The following ANK2 variants were observed in gnomAD, a reference collection of about 807,000 sequenced individuals.
ANK2 encodes the protein ankyrin 2, also known as ankyrin-2.
A neutral mutation model predicts 360.5 loss-of-function variants in ANK2; 83 were observed. That is an observed-to-expected ratio of 0.23 (90% CI 0.19 to 0.28). ANK2 has a LOEUF of 0.28. ANK2 is among the 10% of genes least tolerant of loss of function. ANK2 has a pLI of 1.00. For missense variants in ANK2, 4,201 were observed against 4,795.7 expected, an observed-to-expected ratio of 0.88 and a Z score of 3.66; for synonymous variants, 1,740 against 1,759.5, an observed-to-expected ratio of 0.99 and a Z score of 0.28.
chr4:112,853,092 C>T (rs1380644192), intron 1 of ANK2, among the ~76,000 whole-genome samples: 1 of 151,370 alleles, frequency 6.6e-6, no homozygotes, highest in Non-Finnish European at 1.5e-5. Context: ...TTTTTTGAGA[C>T]GAAGTCTCGC....
the ANK2 span, among the ~76,000 whole-genome samples, chr4:112,764,923 C>G: frequency 6.6e-6 from 1 of 152,014 alleles, no homozygotes; most frequent in African/African-American, 2.4e-5. Flanking sequence ...TCAGGCTGGT[C>G]TTGAACTCCT....
At chr4:113,175,670 C>T (rs1490810471) in intron 2 of ANK2, among the ~76,000 whole-genome samples, 1 of 152,206 alleles carries the variant, frequency 6.6e-6, no homozygotes, top group Non-Finnish European at 1.5e-5. Flanking sequence ...AATAAGATTA[C>T]AACACTTCCT....
At chr4:113,243,881 G>GC (rs1160325431) in intron 9 of ANK2, among the ~76,000 whole-genome samples, 8 of 152,148 alleles carry the variant, frequency 5.3e-5, no homozygotes, top group African/African-American at 1.9e-4. Context: ...TTTTATCTTG[G>GC]CCAATGTCTT....
intron 1 of ANK2, among the ~76,000 whole-genome samples, chr4:113,170,751 G>A (rs1029620912): frequency 6.6e-6 from 1 of 152,098 alleles, no homozygotes; most frequent in African/African-American, 2.4e-5. Context: ...GTTGTTCTGT[G>A]TTTCTAATAT....
At chr4:113,092,445 T>C (rs962441421) in intron 1 of ANK2, among the ~76,000 whole-genome samples, 4 of 152,110 alleles carry the variant, frequency 2.6e-5, no homozygotes, top group African/African-American at 7.3e-5. Context: ...AAGCAGACTC[T>C]CAGACCCCAG....
chr4:112,823,532 A>G (rs1226738566), intron 1 of ANK2, among the ~76,000 whole-genome samples: 3 of 151,394 alleles, frequency 2.0e-5, no homozygotes, highest in Non-Finnish European at 2.9e-5. Flanking sequence ...CCAAATAAAG[A>G]TATCATTTAT....
In ANK2 at chr4:113,024,817, T is replaced by C. The variant is rs143393395; in HGVS notation, c.21+120303T>C. Among the ~76,000 whole-genome samples the C allele has an allele frequency of 2.2e-3, 329 of 152,316 alleles. 1 individual carries two copies. The highest frequency in any genetic ancestry group is 7.6e-3 in the African/African-American group (318 of 41,584). On this transcript the variant is annotated intron_variant, in intron 2 of 30. Transcript: ENST00000503271. ...TGCGTTTGTTAGTCACAAAATTTCA[T>C]GTCCTGTGATAGTGATGAAAAGTAG... is the stretch of plus-strand genomic sequence containing the variant.
At chr4:113,166,306 T>A (rs1345028730) in intron 1 of ANK2, among the ~76,000 whole-genome samples, 1 of 152,108 alleles carries the variant, frequency 6.6e-6, no homozygotes, top group African/African-American at 2.4e-5. Flanking sequence ...CAAACTAATA[T>A]CAACACAACA....
intron 41 of ANK2, among the ~76,000 whole-genome samples, chr4:113,366,391 C>CTTTT (rs58588518): frequency 0.058 from 6,300 of 108,098 alleles, 545 homozygotes; most frequent in African/African-American, 0.21. Context: ...TTCTTGCTTC[C>CTTTT]TTTTTTTTTT....
chr4:112,784,205 CT>C, the ANK2 span, among the ~76,000 whole-genome samples: 14 of 147,758 alleles, frequency 9.5e-5, no homozygotes, highest in East Asian at 4.0e-4. Flanking sequence ...AGTTAATATG[CT>C]TTTTTTTTTG....
chr4:112,778,479 A>G, the ANK2 span, among the ~76,000 whole-genome samples: 10 of 152,162 alleles, frequency 6.6e-5, no homozygotes, highest in Non-Finnish European at 1.5e-4. Flanking sequence ...GCCCTGAAAT[A>G]TGACTTCTAA....
At chr4:113,317,502 C>T in intron 24 of ANK2, 1 of 611,368 alleles carries the variant, frequency 1.6e-6, no homozygotes. Context: ...TGTGCTCTTG[C>T]CATTGAGCGG....
At chr4:112,709,154 G>C in the ANK2 span, among the ~76,000 whole-genome samples, 1 of 151,954 alleles carries the variant, frequency 6.6e-6, no homozygotes, top group Non-Finnish European at 1.5e-5. Flanking sequence ...TCTTCTTCTT[G>C]TAAGAAAAGG....
chr4:112,827,640 T>C, intron 1 of ANK2: 2 of 781,972 alleles, frequency 2.6e-6, no homozygotes, highest in Non-Finnish European at 4.3e-6. Context: ...CCTTGCAATT[T>C]ACTGCCAAGG....
chr4:112,821,839 T>A (rs1383912034), intron 1 of ANK2, among the ~76,000 whole-genome samples: 2 of 151,690 alleles, frequency 1.3e-5, no homozygotes, highest in African/African-American at 4.8e-5. Context: ...CAATCTTGGC[T>A]TAATGCCACC....
chr4:113,318,818 A>C (rs1442693867), intron 26 of ANK2, among the ~76,000 whole-genome samples, 198 bp downstream of exon 26: 1 of 152,236 alleles, frequency 6.6e-6, no homozygotes, highest in South Asian at 2.1e-4. Flanking sequence ...GATTGAATTC[A>C]GCATTAAAAA....
At chr4:112,987,685 T>G (rs997607959) in intron 2 of ANK2, among the ~76,000 whole-genome samples, 7 of 151,794 alleles carry the variant, frequency 4.6e-5, no homozygotes, top group Non-Finnish European at 1.0e-4. Flanking sequence ...CCCTGTTAGG[T>G]TTCTATAGAA....
intron 2 of ANK2, among the ~76,000 whole-genome samples, chr4:113,032,263 T>C (rs1055530597): frequency 6.6e-6 from 1 of 152,088 alleles, no homozygotes; most frequent in African/African-American, 2.4e-5. Context: ...CTTTTGTTGA[T>C]CTAATTTTTG....
At chr4:112,900,473 T>C (rs1381196484) in intron 1 of ANK2, among the ~76,000 whole-genome samples, 1 of 152,036 alleles carries the variant, frequency 6.6e-6, no homozygotes, top group Non-Finnish European at 1.5e-5. Context: ...ATGTCAAAGA[T>C]GGTAAGTGAT....
Sources: allele counts gnomAD v4.1 joint callset (sites outside exome capture counted in the v4.1 genomes callset), GRCh38; gene constraint gnomAD v4.1.1; transcripts MANE v1.5; gene names NCBI Gene and HGNC (gene_info 2026-07-23, HGNC 2026-07-21).